The following SPOCK1 variants were observed in gnomAD, a reference collection of about 807,000 sequenced individuals.
SPOCK1 encodes SPARC (osteonectin), cwcv and kazal like domains proteoglycan 1, also known as testican-1.
SPOCK1 carries 23 observed loss-of-function variants against 55.3 expected under a neutral mutation model. The observed-to-expected ratio is 0.42, with a 90% CI of 0.30 to 0.59. The LOEUF (loss-of-function observed/expected upper bound fraction) is 0.59. SPOCK1 is among the 20% of genes least tolerant of loss of function. The pLI is 0.22. For missense variants in SPOCK1, 499 were observed against 552.5 expected (o/e 0.90, Z 0.97); for synonymous variants, 226 against 221.0 (o/e 1.02, Z -0.20).
At chr5:137,412,856 C>T (rs1394691908) in intron 2 of SPOCK1, among the ~76,000 whole-genome samples, 4 of 152,072 alleles carry the variant, frequency 2.6e-5, no homozygotes, top group African/African-American at 9.7e-5. Flanking sequence ...AAGACAAGTG[C>T]AGAGGACCTA....
intron 4 of SPOCK1, among the ~76,000 whole-genome samples, chr5:137,131,532 C>A (rs1022322186): frequency 6.6e-6 from 1 of 151,426 alleles, no homozygotes; most frequent in Non-Finnish European, 1.5e-5. Flanking sequence ...CGCTTGAACC[C>A]GGGAGGTGGA....
intron 3 of SPOCK1, among the ~76,000 whole-genome samples, chr5:137,210,126 C>A (rs976677283): frequency 6.6e-6 from 1 of 152,162 alleles, no homozygotes; most frequent in Non-Finnish European, 1.5e-5. Flanking sequence ...ATACATAGGA[C>A]AATTGAGCAA....
At chr5:137,365,047 C>T (rs889027261) in intron 2 of SPOCK1, 1 of 152,242 alleles carries the variant, frequency 6.6e-6, no homozygotes, top group African/African-American at 2.4e-5. Context: ...GGTGCTGGCA[C>T]ACAATAGGGC....
chr5:137,473,124 C>T (rs768718667), intron 2 of SPOCK1, among the ~76,000 whole-genome samples: 1 of 152,178 alleles, frequency 6.6e-6, no homozygotes, highest in Non-Finnish European at 1.5e-5. Context: ...CAAAGATATA[C>T]GTCTCTGCAA....
At chr5:137,216,274 C>T (rs1561474338) in intron 3 of SPOCK1, among the ~76,000 whole-genome samples, 1 of 152,042 alleles carries the variant, frequency 6.6e-6, no homozygotes, top group Non-Finnish European at 1.5e-5. Flanking sequence ...GCTTTGGGCA[C>T]AAAGAAAGCA....
intron 2 of SPOCK1, among the ~76,000 whole-genome samples, chr5:137,366,109 G>A (rs1433944174): frequency 1.3e-5 from 2 of 152,156 alleles, no homozygotes; most frequent in Non-Finnish European, 2.9e-5. Flanking sequence ...AGTTCAGTGA[G>A]CAGGAAACAG....
chr5:137,363,395 G>A (rs934121107), intron 2 of SPOCK1, among the ~76,000 whole-genome samples: 2 of 152,222 alleles, frequency 1.3e-5, no homozygotes, highest in African/African-American at 4.8e-5. Flanking sequence ...CATAAGTCCG[G>A]AGTGCGGAGG....
intron 2 of SPOCK1, among the ~76,000 whole-genome samples, chr5:137,444,998 T>C (rs1237291997): frequency 6.6e-6 from 1 of 152,154 alleles, no homozygotes; most frequent in Non-Finnish European, 1.5e-5. Flanking sequence ...CAATCAACTG[T>C]AGGTATCTGG....
At chr5:137,298,150 G>A (rs552674110) in intron 2 of SPOCK1, among the ~76,000 whole-genome samples, 1 of 152,156 alleles carries the variant, frequency 6.6e-6, no homozygotes, top group East Asian at 1.9e-4. Flanking sequence ...ACTTTTAACA[G>A]TGCTATGTGT....
intron 2 of SPOCK1, among the ~76,000 whole-genome samples, chr5:137,356,067 C>T (rs974804309): frequency 6.6e-6 from 1 of 152,152 alleles, no homozygotes. Context: ...CCTGAACAGC[C>T]CTGCCCTGAG....
At chr5:137,361,162 G>T (rs1271739225) in intron 2 of SPOCK1, among the ~76,000 whole-genome samples, 5 of 152,106 alleles carry the variant, frequency 3.3e-5, no homozygotes, top group Admixed American at 1.3e-4. Flanking sequence ...GTCAGCAAGT[G>T]GGCCTCACCA....
chr5:137,331,992 A>G (rs1367985431), intron 2 of SPOCK1, among the ~76,000 whole-genome samples: 1 of 152,192 alleles, frequency 6.6e-6, no homozygotes, highest in Non-Finnish European at 1.5e-5. Context: ...AACCCAGATC[A>G]CATCGCTCCC....
At chr5:137,319,526 A>G (rs1005670829) in intron 2 of SPOCK1, among the ~76,000 whole-genome samples, 2 of 152,218 alleles carry the variant, frequency 1.3e-5, no homozygotes, top group Non-Finnish European at 2.9e-5. Context: ...TGTTTTCAGT[A>G]GAGTGATGCT....
In SPOCK1 at chr5:137,483,834, G is replaced by A. The variant is rs182914246; in HGVS notation, c.186+14539C>T. Reference sequence around the variant, plus strand: ...TGGGAATCACTGCTCTAGGCCTGCAGAGAACTCCCAAAGAGCTGACACAGA... The same window carrying A: ...TGGGAATCACTGCTCTAGGCCTGCAAAGAACTCCCAAAGAGCTGACACAGA... On this transcript the variant is annotated intron_variant, in intron 2 of 10. Transcript: ENST00000394945. Among the ~76,000 whole-genome samples, 147 of 152,304 alleles carry A rather than the reference G, an allele frequency of 9.7e-4. 2 individuals carry two copies. Among genetic ancestry groups the A allele is most frequent in the Non-Finnish European group, 2.9e-4 (20 of 68,018 alleles).
At chr5:137,431,921 A>G (rs1235386398) in intron 2 of SPOCK1, among the ~76,000 whole-genome samples, 1 of 152,238 alleles carries the variant, frequency 6.6e-6, no homozygotes. Context: ...GGACTAAGAC[A>G]GTGCATGTAA....
At chr5:137,498,306 A>G (rs1754345810) in intron 2 of SPOCK1, 67 bp downstream of exon 2, 1 of 1,350,144 alleles carries the variant, frequency 7.4e-7, no homozygotes, top group South Asian at 1.5e-5. Context: ...ACACACCCCA[A>G]CCCCGCTTCA....
At chr5:137,363,401 G>A (rs913019607) in intron 2 of SPOCK1, among the ~76,000 whole-genome samples, 5 of 152,192 alleles carry the variant, frequency 3.3e-5, no homozygotes, top group Admixed American at 6.5e-5. Context: ...TCCGGAGTGC[G>A]GAGGCCAAGA....
chr5:137,142,706 C>T (rs1754121903), intron 3 of SPOCK1, among the ~76,000 whole-genome samples: 1 of 152,200 alleles, frequency 6.6e-6, no homozygotes, highest in African/African-American at 2.4e-5. Context: ...GTGGCAGGGC[C>T]CTGTGTCTGC....
intron 3 of SPOCK1, among the ~76,000 whole-genome samples, chr5:137,141,737 T>G (rs1393171488): frequency 2.0e-5 from 3 of 152,076 alleles, no homozygotes; most frequent in Admixed American, 6.5e-5. Flanking sequence ...CCAGTCAGAG[T>G]GAACCGGCAC....
Sources: allele counts gnomAD v4.1 joint callset (sites outside exome capture counted in the v4.1 genomes callset), GRCh38; gene constraint gnomAD v4.1.1; transcripts MANE v1.5; gene names NCBI Gene and HGNC (gene_info 2026-07-23, HGNC 2026-07-21).